CENPT: variants seen among roughly 807,000 people sequenced by gnomAD.
CENPT encodes the protein centromere protein T, also known as interphase centromere complex protein 22.
Under a neutral mutation model 59.7 loss-of-function variants are expected in CENPT, and 42 were observed. That is an observed-to-expected ratio of 0.70 (90% confidence interval 0.55 to 0.91). The LOEUF (loss-of-function observed/expected upper bound fraction) is 0.91, where lower values mean the gene tolerates loss of function less well. Ranked by LOEUF, CENPT falls within the 40% of genes least tolerant of loss-of-function variation. CENPT has a pLI of 0.00. For synonymous variants in CENPT, 295 were observed against 289.6 expected (o/e 1.02, Z -0.19); for missense variants, 716 against 713.4 (o/e 1.00, Z -0.04).
intron 9 of CENPT, 99 bp from the exon 10 acceptor site, chr16:67,831,457 G>C: frequency 1.3e-6 from 2 of 1,571,022 alleles, no homozygotes; most frequent in Non-Finnish European, 1.7e-6. Flanking sequence ...TCTTAGAACA[G>C]ATGCTGTGAG....
At chr16:67,836,733 A>C (rs1353342198) in intron 1 of CENPT, among the ~76,000 whole-genome samples, 2 of 151,682 alleles carry the variant, frequency 1.3e-5, no homozygotes, top group Non-Finnish European at 2.9e-5. Context: ...GCCACCACGC[A>C]TGGCTGATTT....
Position 67,832,030 on chromosome 16 carries a change from T to G in CENPT, c.368A>C (p.Gln123Pro), listed in dbSNP as rs759013748. 2.9e-5 allele frequency: 46 copies of G among 1,607,304 alleles called. No homozygotes were observed. The highest frequency in any genetic ancestry group is 1.6e-4 in the Middle Eastern group (1 of 6,064). The change falls in exon 7 of 16, where the codon CAA (glutamine) becomes CCA (proline). Residue 123 changes from glutamine to proline, a missense_variant. By Grantham distance (76) the Gln-to-Pro change is moderately conservative. Coordinates refer to ENST00000562787, the MANE Select transcript of CENPT (RefSeq NM_025082.4). ...PAPQAVQPSR[Q>P]ESSCGSLELQ... ...TGTGTACCTGCCGCAACTGCTCTCT[T>G]GTCTGGAGGGTTGGACCGCCTGCGG...
intron 8 of CENPT, 61 bp from the exon 9 acceptor site, chr16:67,831,673 T>C: frequency 6.2e-7 from 1 of 1,605,818 alleles, no homozygotes; most frequent in Non-Finnish European, 8.5e-7. Flanking sequence ...TCCAGGCCTG[T>C]GAGGGCCCTC....
Position 67,832,660 on chromosome 16 carries a change from C to T in CENPT, c.111-115G>A, listed in dbSNP as rs568221196. ...AGCCGTTTTCCCTCAGGGCTAGGGA[C>T]CCAGAAACCACTTGCCCCTACCATC... On this transcript the variant is annotated intron_variant, in intron 4 of 15. Coordinates refer to ENST00000562787, the MANE Select transcript of CENPT (RefSeq NM_025082.4). The T allele has an allele frequency of 2.3e-5, 20 of 851,632 alleles. 1 individual carries two copies. The Admixed American group carries it at 5.0e-4, about 21-fold the overall frequency. The allele number at this position is 851,632 out of a possible 1,614,324, so 52.8% of individuals were successfully genotyped here.
At chr16:67,840,651 G>C (rs1394958539) in intron 1 of CENPT, among the ~76,000 whole-genome samples, 1 of 152,010 alleles carries the variant, frequency 6.6e-6, no homozygotes, top group East Asian at 1.9e-4. Context: ...CTTAATACCT[G>C]GGTGATGAAA....
chr16:67,828,516 C>G lies in CENPT; in HGVS notation c.1520G>C (p.Arg507Pro). The change falls in exon 15 of 16, where the codon CGC becomes CCC. Residue 507 changes from arginine to proline, a missense_variant. Transcript: ENST00000562787. The part of the protein sequence containing the change: ...DLEVFAAHAG[R>P]KTVKPEDLEL... ...CAGGTCCTCTGGCTTCACAGTCTTGCGGCCAGCATGAGCAGCAAATACCTC... is the reference window on the plus strand; with the variant it reads ...CAGGTCCTCTGGCTTCACAGTCTTGGGGCCAGCATGAGCAGCAAATACCTC... 1 of 1,614,196 alleles carries G rather than the reference C, an allele frequency of 6.2e-7. No homozygotes were observed. The highest frequency in any genetic ancestry group is 1.1e-5 in the South Asian group (1 of 91,078).
Position 67,843,669 on chromosome 16 carries a change from G to A in CENPT, c.-492+3732C>T, listed in dbSNP as rs2057780092. 1.5e-5 allele frequency: 10 copies of A among 651,282 alleles called. No individual in the cohort carries two copies. The allele number at this position is 651,282 out of a possible 1,614,324, so 40.3% of individuals were successfully genotyped here. A position where few individuals can be genotyped will look rare whatever the true frequency, so the allele number is the denominator to read the frequency against. On this transcript the variant is annotated intron_variant, in intron 1 of 15. Transcript: ENST00000562787. The surrounding 1 kb of genome is among the most constrained non-coding windows in gnomAD (Gnocchi z 5.7). ...ATCCTCAATTGTTTCCTCCTGAAGT[G>A]GAAGCTGGGGCCTTAGACTCTGCCC...
At chr16:67,840,771 T>C (rs992340107) in intron 1 of CENPT, among the ~76,000 whole-genome samples, 3 of 151,750 alleles carry the variant, frequency 2.0e-5, no homozygotes, top group Non-Finnish European at 4.4e-5. Flanking sequence ...AAGGAAGAAC[T>C]CGGCAAAGGA....
chr16:67,828,249 A>G lies in CENPT; in HGVS notation c.*18T>C. 1.3e-6 allele frequency: 2 copies of G among 1,561,602 alleles called. No homozygotes were observed. The highest frequency in any genetic ancestry group is 8.7e-7 in the Non-Finnish European group (1 of 1,152,530). On this transcript the variant is annotated 3_prime_UTR_variant, in exon 16 of 16. Transcript: ENST00000562787. ...AGAGTCCCCAGGTGGGGACAGGGAA[A>G]GTGTTGAAGCCTGGCCACTACTGGG...
At position 67,828,784 on chromosome 16, in the gene CENPT, G is replaced by A; in HGVS notation, c.1340C>T (p.Thr447Ile). 1 of 1,608,696 alleles carries A rather than the reference G, an allele frequency of 6.2e-7. No individual in the cohort carries two copies. Among genetic ancestry groups the A allele is most frequent in the South Asian group, 1.1e-5 (1 of 90,244 alleles). ...LVRHPPRPRT[T>I]GPRPRQDPHK... Reference sequence around the variant, plus strand: ...GGGATCTTGCCGGGGCCTGGGGCCGGTGGTCCGGGGCCTAGGGGGATGCCT... The same window carrying A: ...GGGATCTTGCCGGGGCCTGGGGCCGATGGTCCGGGGCCTAGGGGGATGCCT... Residue 447 changes from threonine to isoleucine, a missense_variant, in exon 14 of 16, where the codon ACC becomes ATC. Thr to Ile is a moderately conservative substitution (Grantham distance 89). Transcript: ENST00000562787.
intron 1 of CENPT, among the ~76,000 whole-genome samples, chr16:67,839,646 G>A (rs960763188): frequency 1.3e-5 from 2 of 152,036 alleles, no homozygotes; most frequent in East Asian, 1.9e-4. Flanking sequence ...GCCGAGGTGG[G>A]TGGATCACCT....
chr16:67,831,277 G>A lies in CENPT; in HGVS notation c.642C>T (p.Arg214=), dbSNP rs1397416572. 6.2e-7 allele frequency: 1 copy of A among 1,614,152 alleles called. No individual in the cohort carries two copies. The highest frequency in any genetic ancestry group is 1.7e-5 in the Admixed American group (1 of 60,020). ...AAAAGGCACCCACGTCTACAGCTCGGCGGGCTGGAGGTCTGCGGGCCAAGC... is the reference window on the plus strand; with the variant it reads ...AAAAGGCACCCACGTCTACAGCTCGACGGGCTGGAGGTCTGCGGGCCAAGC... ...RPGLARRPPA[R]RAVDVGAFLR... is the part of the protein sequence containing the mutation. The change falls in exon 10 of 16, where the codon CGC becomes CGT. Residue 214 remains arginine (R), a synonymous_variant. Transcript: ENST00000562787.
At chr16:67,846,704 G>A (rs1223205398) in intron 1 of CENPT, 1 of 152,492 alleles carries the variant, frequency 6.6e-6, no homozygotes, top group African/African-American at 2.4e-5. Flanking sequence ...TAGTGTTCCA[G>A]AGGCTTCCGC....
At chr16:67,830,988 C>T in intron 10 of CENPT, 1 of 614,074 alleles carries the variant, frequency 1.6e-6, no homozygotes, top group Non-Finnish European at 2.8e-6. Context: ...CCTTTACAAC[C>T]TCCAGCCCTA....
Position 67,828,231 on chromosome 16 carries a change from C to T in CENPT, c.*36G>A. The T allele has an allele frequency of 6.5e-7, 1 of 1,546,172 alleles. No homozygotes were observed. The highest frequency in any genetic ancestry group is 1.4e-5 in the African/African-American group (1 of 72,836). Reference sequence around the variant, plus strand: ...GAGAAATATGTGGGGGCAAGAGTCCCCAGGTGGGGACAGGGAAAGTGTTGA... The same window carrying T: ...GAGAAATATGTGGGGGCAAGAGTCCTCAGGTGGGGACAGGGAAAGTGTTGA... On this transcript the variant is annotated 3_prime_UTR_variant, in exon 16 of 16. Coordinates refer to ENST00000562787, the MANE Select transcript of CENPT (RefSeq NM_025082.4).
In CENPT at chr16:67,843,192, C is replaced by A. The variant is rs1415433573; in HGVS notation, c.-492+4209G>T. 6.2e-7 allele frequency: 1 copy of A among 1,611,514 alleles called. No individual in the cohort carries two copies. Among genetic ancestry groups the A allele is most frequent in the Admixed American group, 1.7e-5 (1 of 60,004 alleles). On this transcript the variant is annotated intron_variant, in intron 1 of 15. Transcript: ENST00000562787. The surrounding 1 kb of genome is among the most constrained non-coding windows in gnomAD (Gnocchi z 5.7). ...GCGGCCGCCGCGTCGGAGTTACAGG[C>A]TGCTACCGCAGGGCTGGAGGCTGCC...
In CENPT at chr16:67,831,567, G is replaced by A; in HGVS notation, c.560+9C>T. On this transcript the variant is annotated intron_variant, in intron 9 of 15. Transcript: ENST00000562787. ...CCACTCCCAGAACAGGAAACACCCA[G>A]AGCAGCACCTGGTGAGGGAAGAGGC... 6.2e-7 allele frequency: 1 copy of A among 1,614,086 alleles called. No individual in the cohort carries two copies. The highest frequency in any genetic ancestry group is 1.1e-5 in the South Asian group (1 of 91,076).
At chr16:67,840,882 C>T (rs1057473545) in intron 1 of CENPT, among the ~76,000 whole-genome samples, 18 of 151,386 alleles carry the variant, frequency 1.2e-4, no homozygotes, top group African/African-American at 4.1e-4. Flanking sequence ...AGCCAGGCGC[C>T]GTGATCCTAG....
chr16:67,836,948 A>G (rs535520942), intron 1 of CENPT, among the ~76,000 whole-genome samples: 16 of 151,926 alleles, frequency 1.1e-4, no homozygotes, highest in Non-Finnish European at 1.9e-4. Flanking sequence ...TCACCGTGTT[A>G]GCCAGGATGG....
Sources: gnomAD v4.1 joint callset for allele counts (sites outside exome capture counted in the v4.1 genomes callset) on GRCh38, gnomAD v4.1.1 for gene constraint, Gnocchi (gnomAD v3.1) non-coding constraint, MANE v1.5 for transcripts, NCBI Gene and HGNC (gene_info 2026-07-23, HGNC 2026-07-21) for gene names.